BLTP3B: variants seen among roughly 807,000 people sequenced by gnomAD.
BLTP3B encodes the protein UHRF1 (ICBP90) binding protein 1-like.
chr12:100,116,304 G>C, the BLTP3B span, among the ~76,000 whole-genome samples: 5 of 151,528 alleles, frequency 3.3e-5, no homozygotes, highest in African/African-American at 7.3e-5. Flanking sequence ...AAAATTAAAA[G>C]TTAGCTAAGC....
At chr12:100,065,535 C>T in the BLTP3B span, among the ~76,000 whole-genome samples, 1 of 152,062 alleles carries the variant, frequency 6.6e-6, no homozygotes, top group Non-Finnish European at 1.5e-5. Flanking sequence ...TATAAATGGC[C>T]TCTCTGGAAG....
the BLTP3B span, among the ~76,000 whole-genome samples, chr12:100,071,001 AAAC>A: frequency 6.6e-6 from 1 of 152,188 alleles, no homozygotes; most frequent in Non-Finnish European, 1.5e-5. Context: ...TCAGAAAAAA[AAAC>A]AACATATATT....
At chr12:100,139,635 T>C in the BLTP3B span, among the ~76,000 whole-genome samples, 1 of 152,210 alleles carries the variant, frequency 6.6e-6, no homozygotes, top group Non-Finnish European at 1.5e-5. Context: ...TATAAGAATA[T>C]TGGCAGTAGT....
chr12:100,072,704 T>G, the BLTP3B span: 1 of 1,586,776 alleles, frequency 6.3e-7, no homozygotes, highest in Non-Finnish European at 8.5e-7. Context: ...ATAGTAATAT[T>G]CTGTGAATTC....
At chr12:100,069,106 G>A in the BLTP3B span, among the ~76,000 whole-genome samples, 1 of 152,142 alleles carries the variant, frequency 6.6e-6, no homozygotes, top group Non-Finnish European at 1.5e-5. Flanking sequence ...GTGCTACTCA[G>A]GAGGCTGAGG....
chr12:100,084,645 A>G, the BLTP3B span: 12 of 1,613,718 alleles, frequency 7.4e-6, no homozygotes, highest in Middle Eastern at 1.6e-4. Flanking sequence ...ACATCCAATG[A>G]TTACAACTAT....
chr12:100,127,503 T>C, the BLTP3B span, among the ~76,000 whole-genome samples: 1 of 152,252 alleles, frequency 6.6e-6, no homozygotes, highest in African/African-American at 2.4e-5. Flanking sequence ...ACAAGACTTT[T>C]GGAAGTTCAA....
chr12:100,107,633 C>CA, the BLTP3B span, among the ~76,000 whole-genome samples: 124 of 149,950 alleles, frequency 8.3e-4, 1 homozygote, highest in Non-Finnish European at 1.2e-3. Flanking sequence ...GACTCCGTCT[C>CA]AAAAAAAAAT....
chr12:100,123,567 T>C, the BLTP3B span, among the ~76,000 whole-genome samples: 1 of 152,110 alleles, frequency 6.6e-6, no homozygotes, highest in Non-Finnish European at 1.5e-5. Context: ...GAGGGCTCAG[T>C]CCCAAGACTG....
the BLTP3B span, among the ~76,000 whole-genome samples, chr12:100,094,512 T>C: frequency 1.3e-5 from 2 of 152,208 alleles, no homozygotes; most frequent in Admixed American, 6.5e-5. Context: ...CCCCTACCCC[T>C]GCACCTTAGG....
At chr12:100,142,712 C>A in the BLTP3B span, 1 of 1,536,698 alleles carries the variant, frequency 6.5e-7, no homozygotes, top group Non-Finnish European at 8.8e-7. Context: ...TCCTCTCTGT[C>A]CCGGCTAGCC....
chr12:100,127,880 G>A, the BLTP3B span, among the ~76,000 whole-genome samples: 3 of 152,012 alleles, frequency 2.0e-5, no homozygotes, highest in Admixed American at 6.6e-5. Flanking sequence ...CAGGCATGGG[G>A]TACATGCCTG....
At chr12:100,136,101 C>G in the BLTP3B span, among the ~76,000 whole-genome samples, 1 of 151,748 alleles carries the variant, frequency 6.6e-6, no homozygotes, top group Non-Finnish European at 1.5e-5. Flanking sequence ...ATCCCAGCTA[C>G]TCAGGAGGCT....
the BLTP3B span, among the ~76,000 whole-genome samples, chr12:100,081,897 G>A: frequency 6.6e-6 from 1 of 152,176 alleles, no homozygotes; most frequent in Non-Finnish European, 1.5e-5. Context: ...ATCTTTGGTA[G>A]AAAAATTTAT....
chr12:100,043,465 T>A, the BLTP3B span, among the ~76,000 whole-genome samples: 3 of 152,262 alleles, frequency 2.0e-5, no homozygotes, highest in Admixed American at 6.5e-5. Flanking sequence ...TTCTACTCAA[T>A]CAGCTAGAGA....
chr12:100,068,589 T>C, the BLTP3B span, among the ~76,000 whole-genome samples: 1 of 152,156 alleles, frequency 6.6e-6, no homozygotes, highest in Non-Finnish European at 1.5e-5. Flanking sequence ...TCACAATCTA[T>C]ATACATCTGA....
At chr12:100,057,846 C>A in the BLTP3B span, 1 of 1,320,296 alleles carries the variant, frequency 7.6e-7, no homozygotes, top group South Asian at 1.4e-5. Context: ...GCATCCATAG[C>A]TGAAATTATA....
chr12:100,058,634 A>G, the BLTP3B span: 4 of 1,614,118 alleles, frequency 2.5e-6, no homozygotes, highest in Non-Finnish European at 3.4e-6. Context: ...GAGACTTAAG[A>G]GTATTTGCTT....
At chr12:100,135,171 G>A in the BLTP3B span, among the ~76,000 whole-genome samples, 1 of 151,944 alleles carries the variant, frequency 6.6e-6, no homozygotes, top group African/African-American at 2.4e-5. Flanking sequence ...GGTGGTCTTC[G>A]TATGTTTTCA....
Sources: gnomAD v4.1 joint callset for allele counts (sites outside exome capture counted in the v4.1 genomes callset) on GRCh38, gnomAD v4.1.1 for gene constraint, MANE v1.5 for transcripts, NCBI Gene and HGNC (gene_info 2026-07-23, HGNC 2026-07-21) for gene names.